The following NEK7 variants were observed in gnomAD, a reference collection of about 807,000 sequenced individuals.
NEK7 encodes serine/threonine-protein kinase Nek7.
NEK7 carries 18 observed loss-of-function variants against 44.6 expected under a neutral mutation model. That is an observed-to-expected ratio of 0.40 (90% CI 0.28 to 0.60). NEK7 has a LOEUF of 0.60. Among genes scored for constraint, NEK7 ranks in the 20% least tolerant of loss-of-function variants. The probability of loss-of-function intolerance (pLI) is 0.38; values close to 1 mark genes in which losing one functional copy is unlikely to be tolerated. For synonymous variants in NEK7, 130 were observed against 121.1 expected (o/e 1.07, Z -0.48); for missense variants, 256 against 366.5 (o/e 0.70, Z 2.46).
At chr1:198,218,864 C>T (rs537696866) in intron 1 of NEK7, among the ~76,000 whole-genome samples, 1 of 152,132 alleles carries the variant, frequency 6.6e-6, no homozygotes, top group South Asian at 2.1e-4. Context: ...GAGATACCAC[C>T]TTACCCCAGC....
intron 9 of NEK7, among the ~76,000 whole-genome samples, chr1:198,301,532 A>G (rs1292335279): frequency 6.6e-6 from 1 of 152,268 alleles, no homozygotes; most frequent in African/African-American, 2.4e-5. Context: ...CCTGGGCGAC[A>G]GAGCAAGACT....
chr1:198,157,597 G>A (rs984590376), intron 1 of NEK7, among the ~76,000 whole-genome samples: 6 of 152,242 alleles, frequency 3.9e-5, no homozygotes, highest in Admixed American at 1.3e-4. Context: ...CTTTGGTTTC[G>A]GGACCCGAGG....
chr1:198,317,543 A>G (rs904340015), intron 9 of NEK7, among the ~76,000 whole-genome samples: 1 of 152,226 alleles, frequency 6.6e-6, no homozygotes, highest in Non-Finnish European at 1.5e-5. Flanking sequence ...AGGGCCAGTC[A>G]TTCATTCTTA....
intron 3 of NEK7, among the ~76,000 whole-genome samples, chr1:198,254,206 A>T (rs1198307852): frequency 6.6e-6 from 1 of 152,170 alleles, no homozygotes; most frequent in Non-Finnish European, 1.5e-5. Flanking sequence ...TTAGATGTAA[A>T]CAATAATAGA....
intron 2 of NEK7, among the ~76,000 whole-genome samples, chr1:198,241,857 CAA>C (rs1457119437): frequency 2.8e-5 from 4 of 144,706 alleles, no homozygotes; most frequent in Non-Finnish European, 4.6e-5. Flanking sequence ...TAAATGTTAG[CAA>C]AAATGATGAT....
intron 1 of NEK7, among the ~76,000 whole-genome samples, chr1:198,230,198 C>G (rs957669633): frequency 6.6e-6 from 1 of 152,098 alleles, no homozygotes; most frequent in African/African-American, 2.4e-5. Flanking sequence ...GTGAAACTGT[C>G]TGTGGGACAC....
intron 1 of NEK7, among the ~76,000 whole-genome samples, chr1:198,226,476 C>T (rs559767661): frequency 5.4e-5 from 8 of 149,462 alleles, no homozygotes; most frequent in African/African-American, 2.0e-4. Flanking sequence ...ACCCAGGAGG[C>T]AGAGGTTGCA....
At chr1:198,251,620 A>C (rs1375362934) in intron 2 of NEK7, among the ~76,000 whole-genome samples, 1 of 152,096 alleles carries the variant, frequency 6.6e-6, no homozygotes, top group Non-Finnish European at 1.5e-5. Context: ...GTATGTGTCA[A>C]GGAATTTATC....
chr1:198,172,987 T>C (rs1432627368), intron 1 of NEK7, among the ~76,000 whole-genome samples: 2 of 152,210 alleles, frequency 1.3e-5, no homozygotes, highest in Non-Finnish European at 2.9e-5. Context: ...CACTGTCTAA[T>C]AGGCAATTGG....
chr1:198,204,850 A>G (rs1161201104), intron 1 of NEK7, among the ~76,000 whole-genome samples: 1 of 152,094 alleles, frequency 6.6e-6, no homozygotes. Context: ...GTGACTTGAG[A>G]TCTGTTTTTT....
At position 198,283,279 on chromosome 1, in the gene NEK7, G is replaced by A. The variant is rs373272893; in HGVS notation, c.589+4218G>A. Among the ~76,000 whole-genome samples, 5 of 152,160 alleles carry A rather than the reference G, an allele frequency of 3.3e-5. No homozygotes were observed. In the South Asian group the frequency reaches 6.2e-4, roughly 19 times the overall value. On this transcript the variant is annotated intron_variant, in intron 7 of 9. Coordinates refer to ENST00000367385, the MANE Select transcript of NEK7 (RefSeq NM_133494.3). ...CACGAGCCTCCTTCGTTCTTCTTTGGGCTAAGCATGCCCAGGGTAGTCTCC... is the reference window on the plus strand; with the variant it reads ...CACGAGCCTCCTTCGTTCTTCTTTGAGCTAAGCATGCCCAGGGTAGTCTCC...
chr1:198,215,410 A>G (rs1457962970), intron 1 of NEK7, among the ~76,000 whole-genome samples: 1 of 152,210 alleles, frequency 6.6e-6, no homozygotes, highest in East Asian at 1.9e-4. Flanking sequence ...CATGTTGCCT[A>G]GGATATCTTT....
In NEK7 at chr1:198,157,247, G is replaced by A. The variant is rs1663918832; in HGVS notation, c.-58G>A. 1 of 152,028 alleles carries A rather than the reference G, an allele frequency of 6.6e-6. No homozygotes were observed. Among genetic ancestry groups the A allele is most frequent in the African/African-American group, 2.4e-5 (1 of 41,434 alleles). The allele number at this position is 152,028 out of a possible 1,614,324, so 9.4% of individuals were successfully genotyped here. On this transcript the variant is annotated 5_prime_UTR_variant, in exon 1 of 10. Transcript: ENST00000367385. Reference sequence around the variant, plus strand: ...CCCGCCCGCCCAAGGTCTCTCGCGGGCGGGAGAACGGAAAACTCCCAACTT... The same window carrying A: ...CCCGCCCGCCCAAGGTCTCTCGCGGACGGGAGAACGGAAAACTCCCAACTT...
At chr1:198,292,014 A>G (rs551977801) in intron 7 of NEK7, among the ~76,000 whole-genome samples, 10 of 152,228 alleles carry the variant, frequency 6.6e-5, no homozygotes, top group African/African-American at 1.9e-4. Flanking sequence ...GAGTAGCAAC[A>G]TATTTTTGGT....
chr1:198,252,729 T>A (rs1653107549), intron 2 of NEK7, among the ~76,000 whole-genome samples: 1 of 150,850 alleles, frequency 6.6e-6, no homozygotes, highest in Admixed American at 6.6e-5. Flanking sequence ...TATTAAAACA[T>A]GTATGTATGT....
chr1:198,173,576 C>A (rs1284140370), intron 1 of NEK7, among the ~76,000 whole-genome samples: 2 of 151,976 alleles, frequency 1.3e-5, no homozygotes, highest in Non-Finnish European at 2.9e-5. Context: ...AAAATAATAT[C>A]ATTTCCATTC....
intron 1 of NEK7, among the ~76,000 whole-genome samples, chr1:198,217,868 A>G (rs1394516625): frequency 1.3e-5 from 2 of 151,040 alleles, no homozygotes; most frequent in Non-Finnish European, 3.0e-5. Context: ...CCCCAAGCCT[A>G]GGAATATACT....
chr1:198,243,679 T>C (rs1374451709), intron 2 of NEK7, among the ~76,000 whole-genome samples: 2 of 152,210 alleles, frequency 1.3e-5, no homozygotes, highest in African/African-American at 4.8e-5. Flanking sequence ...TGGTCACTCA[T>C]TTTTCTTACA....
chr1:198,197,833 C>T, intron 1 of NEK7: 2 of 812,696 alleles, frequency 2.5e-6, no homozygotes, highest in Non-Finnish European at 2.2e-6. Flanking sequence ...GCTCGTGGTG[C>T]TTGTGCATCT....
Sources: allele counts gnomAD v4.1 joint callset (sites outside exome capture counted in the v4.1 genomes callset), GRCh38; gene constraint gnomAD v4.1.1; transcripts MANE v1.5; gene names NCBI Gene and HGNC (gene_info 2026-07-23, HGNC 2026-07-21).